CACNA1E: variants seen among roughly 807,000 people sequenced by gnomAD.
CACNA1E encodes the protein calcium voltage-gated channel subunit alpha1 E.
CACNA1E carries 40 observed loss-of-function variants against 259.2 expected under a neutral mutation model. That is an observed-to-expected ratio of 0.15 (90% CI 0.12 to 0.20). The LOEUF (loss-of-function observed/expected upper bound fraction) is 0.20, where lower values mean the gene tolerates loss of function less well. Among genes scored for constraint, CACNA1E ranks in the 10% least tolerant of loss-of-function variants. The pLI, the probability that CACNA1E is intolerant of heterozygous loss-of-function variation, is 1.00. For synonymous variants in CACNA1E, 1,104 were observed against 1,138.5 expected (o/e 0.97, Z 0.61); for missense variants, 1,874 against 3,040.1 (o/e 0.62, Z 9.02).
intron 6 of CACNA1E, among the ~76,000 whole-genome samples, chr1:181,642,692 CT>C (rs1253081277): frequency 2.0e-5 from 3 of 152,174 alleles, no homozygotes; most frequent in African/African-American, 7.2e-5. Flanking sequence ...CTTTAATCCT[CT>C]CTTAAATTCA....
At chr1:181,590,406 A>T (rs1305897675) in intron 6 of CACNA1E, among the ~76,000 whole-genome samples, 2 of 110,468 alleles carry the variant, frequency 1.8e-5, no homozygotes, top group Admixed American at 9.8e-5. Flanking sequence ...AATTACAAAA[A>T]AAAAAAAAAA....
intron 38 of CACNA1E, among the ~76,000 whole-genome samples, chr1:181,781,216 G>A (rs1660397900): frequency 1.3e-5 from 2 of 152,078 alleles, no homozygotes; most frequent in South Asian, 2.1e-4. Context: ...GATTTGCCTT[G>A]ATTAACAGGT....
chr1:181,428,423 C>T (rs1311041748), intron 2 of CACNA1E, among the ~76,000 whole-genome samples: 1 of 152,138 alleles, frequency 6.6e-6, no homozygotes, highest in Non-Finnish European at 1.5e-5. Flanking sequence ...CTAGGGGCAT[C>T]CGGCACAGAG....
intron 1 of CACNA1E, among the ~76,000 whole-genome samples, chr1:181,362,472 G>A (rs910784966): frequency 6.6e-6 from 1 of 152,216 alleles, no homozygotes; most frequent in Non-Finnish European, 1.5e-5. Flanking sequence ...TCTCCAGTGA[G>A]GAACTCAGCT....
At chr1:181,535,563 T>G (rs1287364374) in intron 3 of CACNA1E, among the ~76,000 whole-genome samples, 1 of 152,166 alleles carries the variant, frequency 6.6e-6, no homozygotes, top group Admixed American at 6.5e-5. Context: ...TACACACACA[T>G]ACATACATAT....
At chr1:181,469,504 G>A (rs1195193706) in intron 2 of CACNA1E, among the ~76,000 whole-genome samples, 1 of 152,118 alleles carries the variant, frequency 6.6e-6, no homozygotes, top group Non-Finnish European at 1.5e-5. Context: ...CCAGGTGGAG[G>A]TGCCCATTTG....
chr1:181,570,612 T>G (rs36071644), intron 3 of CACNA1E, among the ~76,000 whole-genome samples: 479 of 152,360 alleles, frequency 3.1e-3, no homozygotes, highest in Non-Finnish European at 5.4e-3. Context: ...CTTTAGTTCG[T>G]TTCTTTGCCT....
chr1:181,342,948 G>T (rs1032386148), intron 1 of CACNA1E, among the ~76,000 whole-genome samples: 3 of 152,116 alleles, frequency 2.0e-5, no homozygotes, highest in Non-Finnish European at 2.9e-5. Flanking sequence ...ACAAATGGGT[G>T]GCAGGGCATC....
chr1:181,494,544 C>A (rs1037389131), intron 1 of CACNA1E, among the ~76,000 whole-genome samples: 1 of 152,146 alleles, frequency 6.6e-6, no homozygotes, highest in Admixed American at 6.5e-5. Context: ...TCCTTTTCAA[C>A]TGAGAACAAA....
intron 37 of CACNA1E, 106 bp downstream of exon 37, chr1:181,772,337 C>T: frequency 8.9e-7 from 1 of 1,123,586 alleles, no homozygotes. Flanking sequence ...GTTTGTGCCT[C>T]CCTCCCCTCC....
At chr1:181,346,681 A>G (rs2102653136) in intron 1 of CACNA1E, among the ~76,000 whole-genome samples, 1 of 152,158 alleles carries the variant, frequency 6.6e-6, no homozygotes, top group Admixed American at 6.5e-5. Flanking sequence ...CTTTACCTTT[A>G]TTACCTTTTA....
intron 3 of CACNA1E, among the ~76,000 whole-genome samples, chr1:181,525,810 G>T (rs537717716): frequency 3.3e-5 from 5 of 152,222 alleles, no homozygotes; most frequent in Admixed American, 6.5e-5. Flanking sequence ...AGATTGGAGT[G>T]GTCCTTGAGG....
intron 7 of CACNA1E, among the ~76,000 whole-genome samples, chr1:181,677,801 A>G (rs1339155654): frequency 6.6e-6 from 1 of 152,200 alleles, no homozygotes; most frequent in Non-Finnish European, 1.5e-5. Context: ...ATATAAGCCC[A>G]GGGGTGTCAT....
intron 37 of CACNA1E, among the ~76,000 whole-genome samples, chr1:181,772,856 C>CAT (rs1361194599): frequency 6.6e-6 from 1 of 152,142 alleles, no homozygotes; most frequent in Admixed American, 6.5e-5. Flanking sequence ...ATATGTGGAG[C>CAT]ATACCCACCT....
intron 6 of CACNA1E, among the ~76,000 whole-genome samples, chr1:181,607,082 G>A (rs1481087125): frequency 6.6e-6 from 1 of 152,104 alleles, no homozygotes; most frequent in Non-Finnish European, 1.5e-5. Context: ...GCAGGGCCAT[G>A]TCTGTCCTGT....
intron 2 of CACNA1E, among the ~76,000 whole-genome samples, chr1:181,426,905 C>A (rs945552538): frequency 7.4e-5 from 11 of 148,260 alleles, no homozygotes; most frequent in Admixed American, 6.0e-4. Flanking sequence ...AACTCAACCC[C>A]TTCCCATCTC....
intron 1 of CACNA1E, among the ~76,000 whole-genome samples, chr1:181,344,434 G>A (rs1257987028): frequency 1.3e-5 from 2 of 152,196 alleles, no homozygotes; most frequent in Non-Finnish European, 2.9e-5. Flanking sequence ...GGGAAGTTTG[G>A]TGCTGTCTCT....
In CACNA1E at chr1:181,399,170, G is replaced by T. The variant is rs188749761; in HGVS notation, c.-14-13963G>T. Among the ~76,000 whole-genome samples, 99 of 150,514 alleles carry T rather than the reference G, an allele frequency of 6.6e-4. 1 individual carries two copies. The highest frequency in any genetic ancestry group is 2.4e-3 in the African/African-American group (97 of 40,930). On this transcript the variant is annotated intron_variant, in intron 1 of 11. Coordinates refer to the CACNA1E transcript ENST00000524607. The stretch of plus-strand genomic sequence containing the variant: ...CCCAAAATAACCTGAGTAATGGCTT[G>T]CAGGAAAGTTACAATTAGCTTTTCA...
intron 25 of CACNA1E, among the ~76,000 whole-genome samples, chr1:181,740,677 A>C (rs559787496): frequency 1.3e-5 from 2 of 152,276 alleles, no homozygotes; most frequent in South Asian, 4.1e-4. Flanking sequence ...CATTGAGCAT[A>C]GTTTGTGACT....
Sources: gnomAD v4.1 joint callset for allele counts (sites outside exome capture counted in the v4.1 genomes callset) on GRCh38, gnomAD v4.1.1 for gene constraint, MANE v1.5 for transcripts, NCBI Gene and HGNC (gene_info 2026-07-23, HGNC 2026-07-21) for gene names.